UNC13C: variants seen among roughly 807,000 people sequenced by gnomAD.
UNC13C encodes protein unc-13 homolog C.
UNC13C carries 174 observed loss-of-function variants against 245.4 expected under a neutral mutation model. The ratio of observed to expected loss-of-function variants is 0.71; its 90% CI spans 0.63 to 0.80. The LOEUF is 0.80. UNC13C is among the 30% of genes least tolerant of loss of function. The probability of loss-of-function intolerance (pLI) is 0.00; values close to 1 mark genes in which losing one functional copy is unlikely to be tolerated. For missense variants in UNC13C, 2,829 were observed against 2,602.9 expected, an observed-to-expected ratio of 1.09 and a Z score of -1.89; for synonymous variants, 992 against 895.1, an observed-to-expected ratio of 1.11 and a Z score of -1.93.
rs1345306834 is a variant in UNC13C at position 54,500,234 on chromosome 15, T to C, written c.5157+59T>C. 29 of 1,232,140 alleles carry C rather than the reference T, an allele frequency of 2.4e-5. No homozygotes were observed. In the Admixed American group the frequency reaches 6.3e-4, roughly 27 times the overall value. 76.3% of individuals were successfully genotyped at this position (1,232,140 alleles called of 1,614,324 possible). ...CATGATTCAGTCACATTGCTTACTTTTAACCTAATGGGAATTATTAGACTC... is the reference window on the plus strand; with the variant it reads ...CATGATTCAGTCACATTGCTTACTTCTAACCTAATGGGAATTATTAGACTC... On this transcript the variant is annotated intron_variant, in intron 21 of 32. Transcript: ENST00000260323.
Position 54,014,201 on chromosome 15 carries a change from A to C in UNC13C, c.1298A>C (p.Lys433Thr), listed in dbSNP as rs747494258. 1.2e-6 allele frequency: 2 copies of C among 1,613,952 alleles called. No homozygotes were observed. The highest frequency in any genetic ancestry group is 1.7e-6 in the Non-Finnish European group (2 of 1,179,848). Residue 433 changes from lysine to threonine, a missense_variant, in exon 2 of 33, where the codon AAG becomes ACG. Transcript: ENST00000260323. ...CAGACATATGAGAGCATGGCTATAA[A>C]GTTGTCTACTCCAGAGCCAAAAATC... ...SSQTYESMAI[K>T]LSTPEPKIKK...
the UNC13C span, among the ~76,000 whole-genome samples, chr15:53,946,673 G>GTTTTTTTTTTTTTTTTTTTTTTTTTT: frequency 4.0e-5 from 4 of 99,284 alleles, no homozygotes; most frequent in African/African-American, 1.2e-4. Context: ...GTGAGCTGAG[G>GTTTTTTTTTTTTTTTTTTTTTTTTTT]TTTTTTTTTT....
In UNC13C at chr15:54,264,344, C is replaced by G. The variant is rs536522542; in HGVS notation, c.3625C>G (p.Gln1209Glu). The G allele has an allele frequency of 6.2e-7, 1 of 1,606,384 alleles. No homozygotes were observed. Among genetic ancestry groups the G allele is most frequent in the Non-Finnish European group, 8.5e-7 (1 of 1,176,148 alleles). The change falls in exon 9 of 33, where the codon CAG becomes GAG. Residue 1209 changes from glutamine (Q) to glutamate (E), a missense_variant. By Grantham distance (29) the Gln-to-Glu change is conservative. Coordinates refer to ENST00000260323, the MANE Select transcript of UNC13C (RefSeq NM_001080534.3). The part of the protein sequence containing the change: ...DFVQFTKAAK[Q>E]SVLDGTSKWS... The stretch of plus-strand genomic sequence containing the variant: ...TGTGCAGTTTACAAAGGCGGCCAAA[C>G]AGAGTGTACTGGATGGGACATCTAA...
chr15:53,900,658 A>C, the UNC13C span, among the ~76,000 whole-genome samples: 1 of 152,150 alleles, frequency 6.6e-6, no homozygotes, highest in African/African-American at 2.4e-5. Flanking sequence ...GTGTTCATCA[A>C]ACTTCTATTT....
intron 4 of UNC13C, among the ~76,000 whole-genome samples, chr15:54,229,525 A>G (rs905035542): frequency 2.6e-5 from 4 of 152,050 alleles, no homozygotes; most frequent in Non-Finnish European, 4.4e-5. Flanking sequence ...AATTGTACGT[A>G]TTTATCATGT....
chr15:53,962,404 C>A, the UNC13C span, among the ~76,000 whole-genome samples: 1 of 151,214 alleles, frequency 6.6e-6, no homozygotes, highest in African/African-American at 2.5e-5. Flanking sequence ...TTTTGATATT[C>A]ACTCTCATTA....
chr15:54,213,937 A>G (rs945638322), intron 4 of UNC13C, among the ~76,000 whole-genome samples: 2 of 152,010 alleles, frequency 1.3e-5, no homozygotes, highest in African/African-American at 2.4e-5. Flanking sequence ...CCAAGGAGGC[A>G]AAGGCACAGA....
downstream of UNC13C, chr15:54,632,783 A>C (rs1901479322): frequency 6.6e-6 from 1 of 152,208 alleles, no homozygotes; most frequent in African/African-American, 2.4e-5. Flanking sequence ...CTGTAGCTTT[A>C]TACTGTCTTG....
At chr15:54,010,136 C>G (rs1895317138) in intron 1 of UNC13C, among the ~76,000 whole-genome samples, 1 of 152,066 alleles carries the variant, frequency 6.6e-6, no homozygotes, top group Non-Finnish European at 1.5e-5. Context: ...CTTACTGGAA[C>G]CTATATTGTT....
chr15:54,476,505 C>A (rs1336189510), intron 19 of UNC13C, among the ~76,000 whole-genome samples: 1 of 151,776 alleles, frequency 6.6e-6, no homozygotes, highest in African/African-American at 2.4e-5. Flanking sequence ...AGGAAGGGAT[C>A]CAGTTTCAGC....
chr15:54,603,067 T>A (rs1899531886), intron 30 of UNC13C, among the ~76,000 whole-genome samples: 1 of 152,190 alleles, frequency 6.6e-6, no homozygotes. Flanking sequence ...TAGACACCAG[T>A]CACACAAAGA....
intron 2 of UNC13C, among the ~76,000 whole-genome samples, chr15:54,092,807 T>G (rs1437622428): frequency 6.6e-6 from 1 of 152,190 alleles, no homozygotes; most frequent in East Asian, 1.9e-4. Context: ...TACTTATTTG[T>G]CTTTTAGTGT....
intron 15 of UNC13C, among the ~76,000 whole-genome samples, chr15:54,332,559 A>C (rs1299548152): frequency 6.6e-6 from 1 of 151,860 alleles, no homozygotes; most frequent in Non-Finnish European, 1.5e-5. Flanking sequence ...CAAGAGTACC[A>C]TTTGTTCCTG....
At chr15:54,036,339 C>T (rs1040334699) in intron 2 of UNC13C, among the ~76,000 whole-genome samples, 2 of 152,128 alleles carry the variant, frequency 1.3e-5, no homozygotes, top group African/African-American at 4.8e-5. Flanking sequence ...CAGGGCAGCC[C>T]ACAACAAAGA....
intron 4 of UNC13C, among the ~76,000 whole-genome samples, chr15:54,184,160 A>G (rs924237170): frequency 7.9e-5 from 12 of 152,138 alleles, no homozygotes; most frequent in African/African-American, 2.9e-4. Context: ...CTAATAAGAA[A>G]CTTAACAAGA....
In UNC13C at chr15:54,166,867, T is replaced by C. The variant is rs555894154; in HGVS notation, c.3071+23183T>C. On this transcript the variant is annotated intron_variant, in intron 4 of 32. Transcript: ENST00000260323. The stretch of plus-strand genomic sequence containing the variant: ...TAAATAAACAAATTTGCTATGTTAG[T>C]GGATTAGAAGTTGCAATATTGATAA... Among the ~76,000 whole-genome samples the C allele has an allele frequency of 2.0e-5, 3 of 152,320 alleles. No individual in the cohort carries two copies. In the East Asian group the frequency reaches 5.8e-4, roughly 29 times the overall value.
intron 10 of UNC13C, among the ~76,000 whole-genome samples, chr15:54,292,078 C>T (rs1301789576): frequency 1.3e-5 from 2 of 151,830 alleles, no homozygotes; most frequent in East Asian, 1.9e-4. Context: ...TGTGTAGTTT[C>T]GACACAGGTG....
chr15:54,058,613 A>C (rs1269757642), intron 2 of UNC13C, among the ~76,000 whole-genome samples: 19 of 152,220 alleles, frequency 1.2e-4, no homozygotes, highest in Admixed American at 9.8e-4. Flanking sequence ...TCATTTTATG[A>C]GGCCAGCATC....
At chr15:53,940,621 T>A in the UNC13C span, among the ~76,000 whole-genome samples, 1 of 152,172 alleles carries the variant, frequency 6.6e-6, no homozygotes, top group South Asian at 2.1e-4. Flanking sequence ...CAGCAAAGTT[T>A]CAGGATATGA....
Sources: gnomAD v4.1 joint callset for allele counts (sites outside exome capture counted in the v4.1 genomes callset) on GRCh38, gnomAD v4.1.1 for gene constraint, MANE v1.5 for transcripts, NCBI Gene and HGNC (gene_info 2026-07-23, HGNC 2026-07-21) for gene names.